Variants in CENPK observed in about 807,000 individuals in gnomAD.
CENPK encodes centromere protein K, also known as SoxLZ/Sox6-binding protein Solt.
CENPK carries 46 observed loss-of-function variants against 40.9 expected under a neutral mutation model. The observed-to-expected ratio is 1.13, with a 90% CI of 0.89 to 1.44. The LOEUF is 1.44. CENPK is among the 40% of genes most tolerant of loss of function. The pLI, the probability that CENPK is intolerant of heterozygous loss-of-function variation, is 0.00. For missense variants in CENPK, 288 were observed against 303.5 expected (o/e 0.95, Z 0.38); for synonymous variants, 107 against 104.4 (o/e 1.02, Z -0.15).
In CENPK at chr5:65,537,551, T is replaced by G. The variant is rs569997980; in HGVS notation, c.288+5251A>C. ...TCCTGACCTCGTGATCTGCCCACCT[T>G]GGCTTCCCAAAGTGCTAGAATTACA... On this transcript the variant is annotated intron_variant, in intron 6 of 10. Transcript: ENST00000396679. 3.3e-5 allele frequency among the ~76,000 whole-genome samples: 5 copies of G among 152,218 alleles called. No individual in the cohort carries two copies. In the South Asian group the frequency reaches 1.0e-3, roughly 32 times the overall value.
chr5:65,498,225 CTAA>C, the CENPK span, among the ~76,000 whole-genome samples: 8 of 151,916 alleles, frequency 5.3e-5, no homozygotes, highest in Admixed American at 5.2e-4. Context: ...ATATATCTCT[CTAA>C]TGTTATGTAA....
chr5:65,539,311 A>T (rs1256812367), intron 6 of CENPK, among the ~76,000 whole-genome samples: 7 of 152,240 alleles, frequency 4.6e-5, no homozygotes, highest in Non-Finnish European at 1.0e-4. Flanking sequence ...ATATGATTTA[A>T]ATTAAATGAA....
At chr5:65,549,203 G>A (rs774114915) in intron 5 of CENPK, among the ~76,000 whole-genome samples, 1 of 152,122 alleles carries the variant, frequency 6.6e-6, no homozygotes, top group Non-Finnish European at 1.5e-5. Context: ...ATTTTGAAAG[G>A]AATCTTTTTT....
intron 6 of CENPK, among the ~76,000 whole-genome samples, chr5:65,533,213 C>T (rs62369005): frequency 0.075 from 11,260 of 151,034 alleles, 421 homozygotes; most frequent in East Asian, 0.096. Context: ...TAGCCCAAAG[C>T]GGTGACAGGT....
chr5:65,512,274 T>C, the CENPK span, among the ~76,000 whole-genome samples: 1 of 152,206 alleles, frequency 6.6e-6, no homozygotes, highest in African/African-American at 2.4e-5. Flanking sequence ...ACATAAACAT[T>C]GTTGATATGG....
the CENPK span, among the ~76,000 whole-genome samples, chr5:65,512,192 T>A: frequency 2.0e-5 from 3 of 152,216 alleles, no homozygotes; most frequent in Non-Finnish European, 4.4e-5. Context: ...AAATGGTTTC[T>A]TGAGATGGAA....
At chr5:65,540,628 G>C (rs781431182) in intron 6 of CENPK, among the ~76,000 whole-genome samples, 1 of 152,022 alleles carries the variant, frequency 6.6e-6, no homozygotes, top group Non-Finnish European at 1.5e-5. Flanking sequence ...TTAATCAATC[G>C]TACCTACATA....
chr5:65,538,141 ATT>A (rs1197849394), intron 6 of CENPK, among the ~76,000 whole-genome samples: 2 of 151,990 alleles, frequency 1.3e-5, no homozygotes, highest in Non-Finnish European at 2.9e-5. Flanking sequence ...AAAAAATGGC[ATT>A]GTTATTTTGT....
At chr5:65,549,871 T>A (rs866269316) in intron 5 of CENPK, among the ~76,000 whole-genome samples, 2 of 152,212 alleles carry the variant, frequency 1.3e-5, no homozygotes, top group Non-Finnish European at 2.9e-5. Context: ...TCTCATAATT[T>A]GTGTGTTCAC....
intron 5 of CENPK, among the ~76,000 whole-genome samples, chr5:65,550,185 A>T (rs1749730037): frequency 6.6e-6 from 1 of 151,882 alleles, no homozygotes; most frequent in Non-Finnish European, 1.5e-5. Context: ...AAAAAAAAAA[A>T]AAAAAAAAAA....
rs557001914 is a variant in CENPK at position 65,551,242 on chromosome 5, C to T, written c.241+322G>A. ...TCCAGCCTGGACAACACGATGAGACCCTGTCTCAAAAAAAAAAAAAAAAAA... is the reference window on the plus strand; with the variant it reads ...TCCAGCCTGGACAACACGATGAGACTCTGTCTCAAAAAAAAAAAAAAAAAA... On this transcript the variant is annotated intron_variant, in intron 5 of 10. Coordinates refer to ENST00000396679, the MANE Select transcript of CENPK (RefSeq NM_022145.5). 467 of 235,594 alleles carry T rather than the reference C, an allele frequency of 2.0e-3. 2 individuals are homozygous for T. Among genetic ancestry groups the T allele is most frequent in the African/African-American group, 0.014 (424 of 29,996 alleles). 14.6% of individuals were successfully genotyped at this position (235,594 alleles called of 1,614,324 possible). A position where few individuals can be genotyped will look rare whatever the true frequency, so the allele number is the denominator to read the frequency against.
the CENPK span, among the ~76,000 whole-genome samples, chr5:65,503,897 CCGCCCACCTT>C: frequency 6.6e-6 from 1 of 151,780 alleles, no homozygotes; most frequent in Non-Finnish European, 1.5e-5. Flanking sequence ...ACCTCGTGAT[CCGCCCACCTT>C]GGCCTCCCAA....
intron 6 of CENPK, among the ~76,000 whole-genome samples, chr5:65,533,246 A>C (rs1002846236): frequency 6.6e-6 from 1 of 151,928 alleles, no homozygotes; most frequent in Non-Finnish European, 1.5e-5. Flanking sequence ...AGCTACTGGG[A>C]GGCTGAGGCA....
intron 9 of CENPK, 54 bp from the exon 10 acceptor site, chr5:65,521,582 G>A: frequency 8.7e-7 from 1 of 1,150,238 alleles, no homozygotes; most frequent in South Asian, 1.3e-5. Flanking sequence ...TGCCAATGGT[G>A]AAATATTGGA....
At chr5:65,515,585 T>C (rs1742802491), downstream of CENPK, among the ~76,000 whole-genome samples, 1 of 152,210 alleles carries the variant, frequency 6.6e-6, no homozygotes, top group Non-Finnish European at 1.5e-5. Flanking sequence ...ACCTATGTGT[T>C]TAGAAGTGTG....
At position 65,563,157 on chromosome 5, in the gene CENPK, C is replaced by T. The variant is rs1231982437; in HGVS notation, c.-201G>A. On this transcript the variant is annotated 5_prime_UTR_variant, in exon 1 of 11. Transcript: ENST00000396679. ...GCTGCGCAGGAAGCGCTTGCCAGCC[C>T]CGGACTTCTGCGCGCGCTGCATGCC... The T allele has an allele frequency of 3.0e-6, 3 of 1,007,652 alleles. No homozygotes were observed. The highest frequency in any genetic ancestry group is 4.3e-6 in the Non-Finnish European group (3 of 702,490). The allele number at this position is 1,007,652 out of a possible 1,614,324, so 62.4% of individuals were successfully genotyped here.
chr5:65,542,581 G>C (rs192008545), intron 6 of CENPK, among the ~76,000 whole-genome samples: 1 of 151,938 alleles, frequency 6.6e-6, no homozygotes, highest in Non-Finnish European at 1.5e-5. Context: ...AGGTTACAGT[G>C]AGCCAGGATT....
chr5:65,504,457 C>CAAAAAAAA, the CENPK span, among the ~76,000 whole-genome samples: 2 of 100,056 alleles, frequency 2.0e-5, 1 homozygote, highest in Non-Finnish European at 3.8e-5. Context: ...AATTCCGTAT[C>CAAAAAAAA]AAAAAAAAAA....
At chr5:65,514,257 TTTTTAGTTTTTTTTAG>T (rs1742702510), downstream of CENPK, among the ~76,000 whole-genome samples, 7 of 27,574 alleles carry the variant, frequency 2.5e-4, no homozygotes, top group Admixed American at 5.1e-4. Flanking sequence ...TTTTTTTTTT[TTTTTAGTTTTTTTTAG>T]TTTTTTTTGA....
Sources: gnomAD v4.1 joint callset for allele counts (sites outside exome capture counted in the v4.1 genomes callset) on GRCh38, gnomAD v4.1.1 for gene constraint, MANE v1.5 for transcripts, NCBI Gene and HGNC (gene_info 2026-07-23, HGNC 2026-07-21) for gene names.